TNIK: variants seen among roughly 807,000 people sequenced by gnomAD.
TNIK encodes the protein TRAF2 and NCK interacting kinase.
TNIK carries 49 observed loss-of-function variants against 191.3 expected under a neutral mutation model. The ratio of observed to expected loss-of-function variants is 0.26; its 90% CI spans 0.20 to 0.32. The LOEUF (loss-of-function observed/expected upper bound fraction) is 0.32. TNIK is among the 10% of genes least tolerant of loss of function. The pLI, the probability that TNIK is intolerant of heterozygous loss-of-function variation, is 1.00. For missense variants in TNIK, 1,155 were observed against 1,702.3 expected, an observed-to-expected ratio of 0.68 and a Z score of 5.66; for synonymous variants, 594 against 600.9, an observed-to-expected ratio of 0.99 and a Z score of 0.17.
At chr3:171,264,209 A>G (rs923577908) in intron 2 of TNIK, among the ~76,000 whole-genome samples, 1 of 151,034 alleles carries the variant, frequency 6.6e-6, no homozygotes, top group African/African-American at 2.4e-5. Context: ...ATACTGTAAT[A>G]TATTTTCACT....
chr3:171,205,794 G>T (rs1331607222), intron 4 of TNIK, among the ~76,000 whole-genome samples: 1 of 152,124 alleles, frequency 6.6e-6, no homozygotes, highest in Non-Finnish European at 1.5e-5. Flanking sequence ...GGCCTGCAAA[G>T]CCCTGAATGA....
chr3:171,236,952 TA>T (rs1341067856), intron 2 of TNIK, among the ~76,000 whole-genome samples: 1 of 152,088 alleles, frequency 6.6e-6, no homozygotes, highest in Admixed American at 6.6e-5. Flanking sequence ...AAATAGATGA[TA>T]ATAATAATAA....
At chr3:171,104,138 A>G (rs955021860) in intron 21 of TNIK, among the ~76,000 whole-genome samples, 1 of 152,118 alleles carries the variant, frequency 6.6e-6, no homozygotes, top group African/African-American at 2.4e-5. Context: ...GAAAAGGTAA[A>G]AATAATGAAT....
chr3:171,353,154 CTAGAAA>C (rs1230373466), intron 2 of TNIK, among the ~76,000 whole-genome samples: 2 of 152,138 alleles, frequency 1.3e-5, no homozygotes, highest in African/African-American at 4.8e-5. Flanking sequence ...ATCCTAAGAA[CTAGAAA>C]TAGTAGTCTT....
intron 2 of TNIK, among the ~76,000 whole-genome samples, chr3:171,261,172 T>C (rs1450852904): frequency 6.6e-6 from 1 of 152,182 alleles, no homozygotes. Context: ...CCTTCACCCA[T>C]ACAAGGCTAC....
At chr3:171,367,278 T>C (rs1341778947) in intron 2 of TNIK, among the ~76,000 whole-genome samples, 1 of 152,192 alleles carries the variant, frequency 6.6e-6, no homozygotes, top group Non-Finnish European at 1.5e-5. Flanking sequence ...CGTATTTTGC[T>C]ATTTTATTAA....
intron 23 of TNIK, among the ~76,000 whole-genome samples, chr3:171,089,660 C>A (rs1430471691): frequency 6.6e-6 from 1 of 152,194 alleles, no homozygotes; most frequent in African/African-American, 2.4e-5. Flanking sequence ...CCAGCACCTT[C>A]TTATTAAACA....
At chr3:171,360,527 C>T in intron 2 of TNIK, among the ~76,000 whole-genome samples, 1 of 152,138 alleles carries the variant, frequency 6.6e-6, no homozygotes, top group Admixed American at 6.5e-5. Context: ...TACATGAAAC[C>T]AAGGCCCAGA....
At chr3:171,318,798 T>C (rs1754895937) in intron 2 of TNIK, among the ~76,000 whole-genome samples, 1 of 152,186 alleles carries the variant, frequency 6.6e-6, no homozygotes, top group South Asian at 2.1e-4. Flanking sequence ...TCCAGTGGGA[T>C]TCCAAAGATT....
intron 2 of TNIK, among the ~76,000 whole-genome samples, chr3:171,255,076 TC>T (rs1412911415): frequency 1.3e-5 from 2 of 152,248 alleles, no homozygotes; most frequent in Non-Finnish European, 2.9e-5. Flanking sequence ...CCTAGCCTCT[TC>T]CTCTAATTTT....
At chr3:171,274,507 G>A (rs1749484294) in intron 2 of TNIK, among the ~76,000 whole-genome samples, 1 of 152,156 alleles carries the variant, frequency 6.6e-6, no homozygotes, top group South Asian at 2.1e-4. Context: ...GGAGGGGGAA[G>A]TTAAGAAAAG....
At chr3:171,230,534 T>TA (rs1452618976) in intron 2 of TNIK, among the ~76,000 whole-genome samples, 1 of 152,150 alleles carries the variant, frequency 6.6e-6, no homozygotes, top group Non-Finnish European at 1.5e-5. Context: ...ACCACCTTGG[T>TA]AGGCTCCCAC....
At chr3:171,257,781 G>T (rs1747067099) in intron 2 of TNIK, among the ~76,000 whole-genome samples, 1 of 152,160 alleles carries the variant, frequency 6.6e-6, no homozygotes, top group South Asian at 2.1e-4. Context: ...TTTCTGGAGA[G>T]CAGGCTACTT....
intron 19 of TNIK, 149 bp from the exon 20 acceptor site, chr3:171,108,311 T>C (rs1576837992): frequency 5.1e-6 from 3 of 583,204 alleles, no homozygotes; most frequent in Non-Finnish European, 8.4e-6. Flanking sequence ...GAAACATCCA[T>C]GAAAAATATA....
In TNIK at chr3:171,143,771, T is replaced by A. The variant is rs997569943; in HGVS notation, c.1222-3262A>T. Among the ~76,000 whole-genome samples, 52 of 152,342 alleles carry A rather than the reference T, an allele frequency of 3.4e-4. 1 individual carries two copies. The Middle Eastern group carries it at 0.02, about 60-fold the overall frequency. ...GTTGTGTTGAATACTGCAAACTGGC[T>A]AAGTAATAGAAGAGGGGAGAGCCCT... On this transcript the variant is annotated intron_variant, in intron 12 of 32. Transcript: ENST00000436636.
chr3:171,222,400 GT>G (rs1242451449), intron 3 of TNIK, among the ~76,000 whole-genome samples: 1 of 152,010 alleles, frequency 6.6e-6, no homozygotes, highest in Admixed American at 6.6e-5. Flanking sequence ...TGAGTACTAA[GT>G]ACTCATTTAA....
chr3:171,330,189 A>T lies in TNIK; in HGVS notation c.123+39431T>A, dbSNP rs572639938. On this transcript the variant is annotated intron_variant, in intron 2 of 32. Coordinates refer to ENST00000436636, the MANE Select transcript of TNIK (RefSeq NM_015028.4). ...GAAGGCCTAGCTGTGCTGGTTTTTC[A>T]TCTGGGAAATGCGCTTATTAGATAC... 1.1e-4 allele frequency among the ~76,000 whole-genome samples: 16 copies of T among 152,298 alleles called. No individual in the cohort carries two copies. The South Asian group carries it at 2.9e-3, about 28-fold the overall frequency.
chr3:171,080,889 G>A (rs1250172874), intron 27 of TNIK, among the ~76,000 whole-genome samples: 2 of 152,138 alleles, frequency 1.3e-5, no homozygotes, highest in East Asian at 1.9e-4. Flanking sequence ...GGATGGACAC[G>A]AGAGCCAGTG....
chr3:171,214,316 A>G (rs1741206049), intron 3 of TNIK, among the ~76,000 whole-genome samples: 1 of 152,058 alleles, frequency 6.6e-6, no homozygotes, highest in African/African-American at 2.4e-5. Context: ...TGCTTTCCAA[A>G]AATGCAAAGA....
Sources: gnomAD v4.1 joint callset for allele counts (sites outside exome capture counted in the v4.1 genomes callset) on GRCh38, gnomAD v4.1.1 for gene constraint, MANE v1.5 for transcripts, NCBI Gene and HGNC (gene_info 2026-07-23, HGNC 2026-07-21) for gene names.